Variants in MUC3A observed in about 807,000 individuals in gnomAD.
MUC3A encodes mucin 3A, cell surface associated.
A neutral mutation model predicts 109.0 loss-of-function variants in MUC3A; 109 were observed. The ratio of observed to expected loss-of-function variants is 1.00; its 90% confidence interval spans 0.86 to 1.17. MUC3A has a LOEUF of 1.17. Ranked by LOEUF, MUC3A falls within the 50% of genes most tolerant of loss-of-function variation. The pLI is 0.00. For missense variants in MUC3A, 3,537 were observed against 2,469.4 expected (o/e 1.43, Z -9.16); for synonymous variants, 1,398 against 981.4 (o/e 1.42, Z -7.93).
Position 100,960,876 on chromosome 7 carries a change from C to G in MUC3A, c.8991C>G (p.Cys2997Trp). Residue 2997 changes from cysteine (C) to tryptophan (W), a missense_variant, in exon 3 of 12, where the codon TGC becomes TGG. Coordinates refer to ENST00000379458, the MANE Select transcript of MUC3A (RefSeq NM_005960.2). ...GGGGTCAGTGGGATGGCCTCAAATG[C>G]CAGTGCCCCAGCACCTTCTATGGTT... ...QNGGQWDGLK[C>W]QCPSTFYGSS... The G allele has an allele frequency of 6.3e-7, 1 of 1,598,538 alleles. No individual in the cohort carries two copies. Among genetic ancestry groups the G allele is most frequent in the Non-Finnish European group, 8.5e-7 (1 of 1,179,818 alleles).
At position 100,966,963 on chromosome 7, in the gene MUC3A, A is replaced by G. The variant is rs766544761; in HGVS notation, c.9930+12A>G. ...ACACCACTATGAAGGTGAGGGGCTA[A>G]AGAGGGGGACCCCAAGGAACTCTCC... On this transcript the variant is annotated intron_variant, in intron 11 of 11. Transcript: ENST00000379458. 5.0e-6 allele frequency: 8 copies of G among 1,598,440 alleles called. No homozygotes were observed. Among genetic ancestry groups the G allele is most frequent in the Middle Eastern group, 3.3e-4 (2 of 6,082 alleles).
At position 100,955,615 on chromosome 7, in the gene MUC3A, C is replaced by CAAGATTTCCAGT. The variant is rs1792077077; in HGVS notation, c.3836_3837insAAGATTTCCAGT (p.Thr1279_Thr1280insArgPheProVal). On this transcript the variant is annotated inframe_insertion, in exon 2 of 12. Coordinates refer to ENST00000379458, the MANE Select transcript of MUC3A (RefSeq NM_005960.2). ...AGCACTCTAACAAGTTCCCTCCTGACGACCTTCCCAAGTACATATTCATTT... is the reference window on the plus strand; with the variant it reads ...AGCACTCTAACAAGTTCCCTCCTGACAAGATTTCCAGTGACCTTCCCAAGTACATATTCATTT... The CAAGATTTCCAGT allele has an allele frequency of 4.6e-6, 2 of 430,298 alleles. No individual in the cohort carries two copies. Among genetic ancestry groups the CAAGATTTCCAGT allele is most frequent in the Non-Finnish European group, 4.0e-6 (1 of 250,504 alleles). 26.7% of individuals were successfully genotyped at this position (430,298 alleles called of 1,614,324 possible).
chr7:100,965,107 T>A (rs587763339), intron 6 of MUC3A, 175 bp from the exon 7 acceptor site: 253 of 1,085,510 alleles, frequency 2.3e-4, no homozygotes, highest in Non-Finnish European at 2.8e-4. Flanking sequence ...TCAGGGGAGA[T>A]GAGGCAGGCA....
chr7:100,961,865 T>C (rs1792341626), intron 3 of MUC3A, among the ~76,000 whole-genome samples: 1 of 152,306 alleles, frequency 6.6e-6, no homozygotes, highest in Admixed American at 6.5e-5. Flanking sequence ...CCCTGCACTT[T>C]GGAAGGCCGA....
intron 10 of MUC3A, 54 bp from the exon 11 acceptor site, chr7:100,966,845 C>T (rs1010110335): frequency 5.0e-6 from 8 of 1,598,366 alleles, no homozygotes; most frequent in South Asian, 4.4e-5. Context: ...GTCCCCCTCT[C>T]CCTTCCGTCC....
At position 100,967,299 on chromosome 7, in the gene MUC3A, C is replaced by G. The variant is rs1470910052; in HGVS notation, c.*137C>G. 4 of 1,372,150 alleles carry G rather than the reference C, an allele frequency of 2.9e-6. No homozygotes were observed. The highest frequency in any genetic ancestry group is 1.3e-5 in the South Asian group (1 of 76,808). The allele number at this position is 1,372,150 out of a possible 1,614,324, so 85.0% of individuals were successfully genotyped here. ...TTCTTGGGCAAGATGAGACTGTTCC[C>G]CCAAATCCCATCCTTCTCCTTCCAA... On this transcript the variant is annotated 3_prime_UTR_variant, in exon 12 of 12. Transcript: ENST00000379458.
chr7:100,963,729 G>A lies in MUC3A; in HGVS notation c.9210G>A (p.Lys3070=). The stretch of plus-strand genomic sequence containing the variant: ...CAGACATGCAGGGCTTCACCTTCAA[G>A]GGTGTGGAGATCCTGTCCCTGAGGT... ...IFADMQGFTF[K]GVEILSLRNG... is the part of the protein sequence containing the mutation. The change falls in exon 5 of 12, where the codon AAG becomes AAA. Residue 3070 remains lysine (K), a synonymous_variant. Coordinates refer to ENST00000379458, the MANE Select transcript of MUC3A (RefSeq NM_005960.2). 1 of 1,598,564 alleles carries A rather than the reference G, an allele frequency of 6.3e-7. No homozygotes were observed. Among genetic ancestry groups the A allele is most frequent in the Non-Finnish European group, 8.5e-7 (1 of 1,179,832 alleles).
Position 100,959,123 on chromosome 7 carries a change from C to T in MUC3A, c.7344C>T (p.Ile2448=). The change falls in exon 2 of 12, where the codon ATC becomes ATT. Residue 2448 remains isoleucine, a synonymous_variant. Transcript: ENST00000379458. ...CTCCCAGCCTCAGTTCTTCAACCAT[C>T]TACTCCACAGTCAGCACATCCACAA... is the stretch of plus-strand genomic sequence containing the variant. ...ESTPSLSSST[I]YSTVSTSTTA... 1 of 1,598,178 alleles carries T rather than the reference C, an allele frequency of 6.3e-7. No homozygotes were observed.
At chr7:100,965,381 GC>G in intron 7 of MUC3A, 34 bp downstream of exon 7, 10 of 1,589,876 alleles carry the variant, frequency 6.3e-6, no homozygotes, top group Non-Finnish European at 7.7e-6. Context: ...GTGGTCTCCC[GC>G]GGCTATGATC....
chr7:100,959,102 C>T lies in MUC3A; in HGVS notation c.7323C>T (p.Pro2441=), dbSNP rs915002029. ...CTGAGACCACCTCAGAGAGTACTCCCAGCCTCAGTTCTTCAACCATCTACT... is the reference window on the plus strand; with the variant it reads ...CTGAGACCACCTCAGAGAGTACTCCTAGCCTCAGTTCTTCAACCATCTACT... The part of the protein sequence containing the change: ...TTTETTSEST[P]SLSSSTIYST... The change falls in exon 2 of 12, where the codon CCC becomes CCT. Residue 2441 remains proline (P), a synonymous_variant. Transcript: ENST00000379458. 2.0e-6 allele frequency: 3 copies of T among 1,483,572 alleles called. No individual in the cohort carries two copies. The highest frequency in any genetic ancestry group is 4.1e-5 in the African/African-American group (2 of 48,682). 91.9% of individuals were successfully genotyped at this position (1,483,572 alleles called of 1,614,324 possible).
intron 6 of MUC3A, 35 bp from the exon 7 acceptor site, chr7:100,965,247 C>T (rs761489575): frequency 2.6e-5 from 41 of 1,593,792 alleles, no homozygotes; most frequent in Non-Finnish European, 3.0e-5. Context: ...CCTTGATCTG[C>T]CCCGCCCATT....
chr7:100,967,019 C>A (rs1289726036), intron 11 of MUC3A, 68 bp downstream of exon 11: 1 of 1,598,388 alleles, frequency 6.3e-7, no homozygotes, highest in African/African-American at 1.3e-5. Context: ...CTCCCCGACC[C>A]CCACCAGGGC....
Position 100,967,297 on chromosome 7 carries a change from C to A in MUC3A, c.*135C>A. On this transcript the variant is annotated 3_prime_UTR_variant, in exon 12 of 12. Transcript: ENST00000379458. ...TGTTCTTGGGCAAGATGAGACTGTT[C>A]CCCCAAATCCCATCCTTCTCCTTCC... 1.5e-6 allele frequency: 2 copies of A among 1,368,680 alleles called. No homozygotes were observed. The highest frequency in any genetic ancestry group is 2.0e-6 in the Non-Finnish European group (2 of 1,006,006). The allele number at this position is 1,368,680 out of a possible 1,614,324, so 84.8% of individuals were successfully genotyped here.
chr7:100,967,556 A>C lies in MUC3A; in HGVS notation c.*394A>C. On this transcript the variant is annotated 3_prime_UTR_variant, in exon 12 of 12. Transcript: ENST00000379458. Reference sequence around the variant, plus strand: ...GCCATTGCCTCTCTCGGATCCTCCAATCCTCACGTCCTTCACCTGGTCTCT... The same window carrying C: ...GCCATTGCCTCTCTCGGATCCTCCACTCCTCACGTCCTTCACCTGGTCTCT... The C allele has an allele frequency of 2.3e-6, 1 of 444,204 alleles. No homozygotes were observed. The highest frequency in any genetic ancestry group is 4.0e-6 in the Non-Finnish European group (1 of 248,000). The allele number at this position is 444,204 out of a possible 1,614,324, so 27.5% of individuals were successfully genotyped here.
Position 100,965,338 on chromosome 7 carries a change from A to C in MUC3A, c.9439A>C (p.Thr3147Pro), listed in dbSNP as rs753912580. The C allele has an allele frequency of 1.9e-6, 3 of 1,598,732 alleles. No individual in the cohort carries two copies. The Admixed American group carries it at 5.0e-5, about 27-fold the overall frequency. Residue 3147 changes from threonine to proline, a missense_variant, in exon 7 of 12, where the codon ACC (threonine) becomes CCC (proline). By Grantham distance (38) the Thr-to-Pro change is conservative. Coordinates refer to ENST00000379458, the MANE Select transcript of MUC3A (RefSeq NM_005960.2). ...KVNNNSKTEL[T>P]PAAICRRAAP... ...GAACAACAACAGCAAGACAGAGCTG[A>C]CCCCGGCAGGTAAGGGTGGGGTAAA...
Position 100,952,163 on chromosome 7 carries a change from C to T in MUC3A, c.384C>T (p.Cys128=), listed in dbSNP as rs200067471. Residue 128 remains cysteine (C), a synonymous_variant, in exon 2 of 12, where the codon TGC becomes TGT. Transcript: ENST00000379458. ...TGGTCTATTCAGCCACCACTGAGTG[C>T]GTGTATCCAACGAGCTTTATAATCA... is the stretch of plus-strand genomic sequence containing the variant. The part of the protein sequence containing the change: ...TVLVYSATTE[C]VYPTSFIITI... The T allele has an allele frequency of 9.5e-4, 1,516 of 1,589,174 alleles. No homozygotes were observed. In the East Asian group the frequency reaches 0.024, roughly 26 times the overall value.
rs530648413 is a variant in MUC3A, at chr7:100,950,773, G to T, written c.62-1068G>T. On this transcript the variant is annotated intron_variant, in intron 1 of 11. Coordinates refer to ENST00000379458, the MANE Select transcript of MUC3A (RefSeq NM_005960.2). Reference sequence around the variant, plus strand: ...ATGCTTGTAAACTAATGAATCCCACGGCCAAAAGGGAATAGTATAGAAAAA... The same window carrying T: ...ATGCTTGTAAACTAATGAATCCCACTGCCAAAAGGGAATAGTATAGAAAAA... 1.6e-4 allele frequency among the ~76,000 whole-genome samples: 25 copies of T among 152,420 alleles called. No homozygotes were observed. The East Asian group carries it at 4.8e-3, about 29-fold the overall frequency.
intron 8 of MUC3A, 89 bp from the exon 9 acceptor site, chr7:100,966,297 G>T (rs1265803127): frequency 3.7e-6 from 4 of 1,088,650 alleles, no homozygotes; most frequent in Non-Finnish European, 4.4e-6. Context: ...CTGGAGCCCC[G>T]CCCCCTCACC....
chr7:100,964,609 T>G, intron 5 of MUC3A, 86 bp from the exon 6 acceptor site: 1 of 1,507,062 alleles, frequency 6.6e-7, no homozygotes, highest in Non-Finnish European at 8.9e-7. Flanking sequence ...CCCCTTCTGG[T>G]GCACTTTGGG....
Sources: gnomAD v4.1 joint callset for allele counts (sites outside exome capture counted in the v4.1 genomes callset) on GRCh38, gnomAD v4.1.1 for gene constraint, MANE v1.5 for transcripts, NCBI Gene and HGNC (gene_info 2026-07-23, HGNC 2026-07-21) for gene names.